Variants in MFSD2B observed in about 807,000 individuals in gnomAD.
MFSD2B encodes MFSD2 lysolipid transporter B, sphingolipid.
In MFSD2B, 56 loss-of-function variants were observed where a neutral mutation model predicts 58.4. The ratio of observed to expected loss-of-function variants is 0.96; its 90% confidence interval spans 0.77 to 1.20. The LOEUF is 1.20. MFSD2B is among the 50% of genes most tolerant of loss of function. The pLI is 0.00. For missense variants in MFSD2B, 645 were observed against 667.6 expected, an observed-to-expected ratio of 0.97 and a Z score of 0.37; for synonymous variants, 287 against 294.4, an observed-to-expected ratio of 0.97 and a Z score of 0.26.
intron 6 of MFSD2B, among the ~76,000 whole-genome samples, chr2:24,019,740 G>A (rs1662689507): frequency 6.6e-6 from 1 of 152,066 alleles, no homozygotes; most frequent in Non-Finnish European, 1.5e-5. Flanking sequence ...TGAAAATGAA[G>A]GGCCTTGGAA....
At position 24,025,881 on chromosome 2, in the gene MFSD2B, G is replaced by A. The variant is rs1016427598; in HGVS notation, c.*425G>A. On this transcript the variant is annotated 3_prime_UTR_variant, in exon 14 of 14. Transcript: ENST00000338315. ...TGGGACTACAGGTGCCCGCCACCAC[G>A]CCCAGCTAATTTTTGTATTTTTAGT... The A allele has an allele frequency of 2.4e-5, 4 of 163,916 alleles. No individual in the cohort carries two copies. Among genetic ancestry groups the A allele is most frequent in the Admixed American group, 1.8e-4 (3 of 16,518 alleles). The allele number at this position is 163,916 out of a possible 1,614,324, so 10.2% of individuals were successfully genotyped here. A position where few individuals can be genotyped will look rare whatever the true frequency, so the allele number is the denominator to read the frequency against.
chr2:24,023,151 T>C lies in MFSD2B; in HGVS notation c.1081T>C (p.Leu361=), dbSNP rs780631782. The change falls in exon 11 of 14, where the codon TTG becomes CTG. Residue 361 remains leucine (L), a synonymous_variant. Transcript: ENST00000338315. This position sits in a 1 kb window ranked among gnomAD's most constrained non-coding sequence, Gnocchi z 5.0. ...CCAGGCGATGGTGCCCTTTGCGATC[T>C]TGCTGGCTGCTGTGCCCACAGCACC... ...GIFAMVPFAI[L]LAAVPTAPVA... The C allele has an allele frequency of 6.2e-7, 1 of 1,613,084 alleles. No homozygotes were observed. The highest frequency in any genetic ancestry group is 1.3e-5 in the African/African-American group (1 of 75,030).
Position 24,017,364 on chromosome 2 carries a change from C to T in MFSD2B, c.550C>T (p.Arg184Trp), listed in dbSNP as rs775176336. ...PRERDSATAYRMTVEMAGTLM... is the reference protein window; with the variant it reads ...PRERDSATAYWMTVEMAGTLM... ...GGAGCGGGACTCGGCCACCGCCTAC[C>T]GTGAGTGCAGCCGTGGGTTTCGGGT... is the stretch of plus-strand genomic sequence containing the variant. Residue 184 changes from arginine (R) to tryptophan (W), a missense_variant and splice_region_variant, in exon 5 of 14, where the codon CGG (arginine) becomes TGG (tryptophan). By Grantham distance (101) the Arg-to-Trp change is moderately radical (BLOSUM62 -3). Transcript: ENST00000338315. The surrounding 1 kb of genome is among the most constrained non-coding windows in gnomAD (Gnocchi z 4.8). 10 of 1,603,908 alleles carry T rather than the reference C, an allele frequency of 6.2e-6. No individual in the cohort carries two copies. The highest frequency in any genetic ancestry group is 1.3e-5 in the African/African-American group (1 of 74,704).
At position 24,024,206 on chromosome 2, in the gene MFSD2B, C is replaced by T; in HGVS notation, c.1425C>T (p.Ile475=). The change falls in exon 13 of 14, where the codon ATC becomes ATT. Residue 475 remains isoleucine (I), a synonymous_variant. Transcript: ENST00000338315. The surrounding 1 kb of genome is among the most constrained non-coding windows in gnomAD (Gnocchi z 4.3). ...GCATGATCCTTGCTGGGCTCTGCAT[C>T]CTCATGGTCGGCTCCACTCCAAAGA... The part of the protein sequence containing the change: ...PTCMILAGLC[I]LMVGSTPKTP... 1.2e-6 allele frequency: 2 copies of T among 1,613,534 alleles called. No homozygotes were observed. Among genetic ancestry groups the T allele is most frequent in the South Asian group, 1.1e-5 (1 of 90,976 alleles).
In MFSD2B at chr2:24,023,447, T is replaced by TC; in HGVS notation, c.1170-135dup. Reference sequence around the variant, plus strand: ...GCGGGGGGTACGAGCACACAGGCCATCTGCTTCTCTGGTGGCCAGTCTGGT... The same window carrying TC: ...GCGGGGGGTACGAGCACACAGGCCATCCTGCTTCTCTGGTGGCCAGTCTGGT... On this transcript the variant is annotated intron_variant, in intron 11 of 13. Coordinates refer to ENST00000338315, the MANE Select transcript of MFSD2B (RefSeq NM_001346880.2). This position sits in a 1 kb window ranked among gnomAD's most constrained non-coding sequence, Gnocchi z 5.0. The TC allele has an allele frequency of 9.1e-7, 1 of 1,101,740 alleles. No individual in the cohort carries two copies. Among genetic ancestry groups the TC allele is most frequent in the Non-Finnish European group, 1.3e-6 (1 of 773,354 alleles). The allele number at this position is 1,101,740 out of a possible 1,614,324, so 68.2% of individuals were successfully genotyped here. A position where few individuals can be genotyped will look rare whatever the true frequency, so the allele number is the denominator to read the frequency against.
chr2:24,022,387 C>G lies in MFSD2B; in HGVS notation c.895-46C>G. On this transcript the variant is annotated intron_variant, in intron 8 of 13. Transcript: ENST00000338315. The surrounding 1 kb of genome is among the most constrained non-coding windows in gnomAD (Gnocchi z 4.5). Reference sequence around the variant, plus strand: ...CCTGTCCTTGCCCTTGACTTCTGAGCTCCTGCCATGCCCTGCACATACCCA... The same window carrying G: ...CCTGTCCTTGCCCTTGACTTCTGAGGTCCTGCCATGCCCTGCACATACCCA... 1 of 1,509,718 alleles carries G rather than the reference C, an allele frequency of 6.6e-7. No homozygotes were observed. Among genetic ancestry groups the G allele is most frequent in the Non-Finnish European group, 9.1e-7 (1 of 1,094,614 alleles). The allele number at this position is 1,509,718 out of a possible 1,614,324, so 93.5% of individuals were successfully genotyped here. A position where few individuals can be genotyped will look rare whatever the true frequency, so the allele number is the denominator to read the frequency against.
chr2:24,023,661 C>T lies in MFSD2B; in HGVS notation c.1248C>T (p.Ser416=), dbSNP rs767800829. 2.5e-6 allele frequency: 4 copies of T among 1,613,996 alleles called. No individual in the cohort carries two copies. The Admixed American group carries it at 5.0e-5, about 20-fold the overall frequency. Residue 416 remains serine (S), a synonymous_variant, in exon 12 of 14, where the codon TCC becomes TCT. Transcript: ENST00000338315. This position sits in a 1 kb window ranked among gnomAD's most constrained non-coding sequence, Gnocchi z 5.0. The part of the protein sequence containing the change: ...HGPGLETIFY[S]SYVFFTKLSG... Reference sequence around the variant, plus strand: ...CAGGCCTGGAGACCATCTTCTACTCCTCCTACGTCTTCTTCACCAAGCTGT... The same window carrying T: ...CAGGCCTGGAGACCATCTTCTACTCTTCCTACGTCTTCTTCACCAAGCTGT...
In MFSD2B at chr2:24,012,179, C is replaced by CAAA. The variant is rs796645399; in HGVS notation, c.97-1103_97-1101dup. ...ACACACACACACACACACACACACA[C>CAAA]AAAAACAGACAAAAAAACCCTGCAA... On this transcript the variant is annotated intron_variant, in intron 1 of 13. Transcript: ENST00000338315. The surrounding 1 kb of genome is among the most constrained non-coding windows in gnomAD (Gnocchi z 4.5). Among the ~76,000 whole-genome samples the CAAA allele has an allele frequency of 1.1e-4, 16 of 148,122 alleles. No homozygotes were observed. Among genetic ancestry groups the CAAA allele is most frequent in the African/African-American group, 3.2e-4 (13 of 40,054 alleles).
At chr2:24,014,743 TAGA>T (rs943704826) in intron 2 of MFSD2B, among the ~76,000 whole-genome samples, 17 of 152,162 alleles carry the variant, frequency 1.1e-4, no homozygotes, top group African/African-American at 3.1e-4. Flanking sequence ...GAGAAAATTC[TAGA>T]AGGATATACA....
In MFSD2B at chr2:24,022,461, G is replaced by T. The variant is rs1573644372; in HGVS notation, c.923G>T (p.Cys308Phe). The T allele has an allele frequency of 6.2e-7, 1 of 1,613,262 alleles. No individual in the cohort carries two copies. ...GAGCAGAGCTACCTGGTCCTGTTCTGTACACATGCCTCCCAGCTACACGAC... is the reference window on the plus strand; with the variant it reads ...GAGCAGAGCTACCTGGTCCTGTTCTTTACACATGCCTCCCAGCTACACGAC... ...QVEQSYLVLF[C>F]THASQLHDHV... Residue 308 changes from cysteine to phenylalanine, a missense_variant, in exon 9 of 14, where the codon TGT becomes TTT. Coordinates refer to ENST00000338315, the MANE Select transcript of MFSD2B (RefSeq NM_001346880.2). This position sits in a 1 kb window ranked among gnomAD's most constrained non-coding sequence, Gnocchi z 4.5.
chr2:24,022,976 C>A lies in MFSD2B; in HGVS notation c.1059+74C>A, dbSNP rs560022614. 6.3e-5 allele frequency: 91 copies of A among 1,437,912 alleles called. No individual in the cohort carries two copies. The South Asian group carries it at 1.0e-3, about 16-fold the overall frequency. The allele number at this position is 1,437,912 out of a possible 1,614,324, so 89.1% of individuals were successfully genotyped here. On this transcript the variant is annotated intron_variant, in intron 10 of 13. Coordinates refer to ENST00000338315, the MANE Select transcript of MFSD2B (RefSeq NM_001346880.2). The surrounding 1 kb of genome is among the most constrained non-coding windows in gnomAD (Gnocchi z 4.5). Reference sequence around the variant, plus strand: ...GAGCGAGGTGACCTTGGTGCCTGAGCCTCCTGGGGCCAGCAGGGGTGGATC... The same window carrying A: ...GAGCGAGGTGACCTTGGTGCCTGAGACTCCTGGGGCCAGCAGGGGTGGATC...
In MFSD2B at chr2:24,020,242, T is replaced by G. The variant is rs751869440; in HGVS notation, c.682-1406T>G. Among the ~76,000 whole-genome samples, 2 of 152,154 alleles carry G rather than the reference T, an allele frequency of 1.3e-5. No individual in the cohort carries two copies. The highest frequency in any genetic ancestry group is 2.9e-5 in the Non-Finnish European group (2 of 68,026). On this transcript the variant is annotated intron_variant, in intron 6 of 13. Transcript: ENST00000338315. The surrounding 1 kb of genome is among the most constrained non-coding windows in gnomAD (Gnocchi z 4.1). The stretch of plus-strand genomic sequence containing the variant: ...CATGCCCAGGGGGCAGAGCCTCATG[T>G]GAGCAGAGACTGGATGCTCTTGGTG...
At chr2:24,025,340 A>G in intron 13 of MFSD2B, 92 bp from the exon 14 acceptor site, 1 of 1,141,130 alleles carries the variant, frequency 8.8e-7, no homozygotes, top group Non-Finnish European at 1.3e-6. Context: ...GAAGACAAGG[A>G]GCAGCCACCA....
At position 24,025,456 on chromosome 2, in the gene MFSD2B, A is replaced by C. The variant is rs1386912237; in HGVS notation, c.1515A>C (p.Ter505TyrextTer7). ...GGAGGACCAGCTACAGCCTGGCCTAAAGCTTAGGAGGGCGACTGTGAATGG... is the reference window on the plus strand; with the variant it reads ...GGAGGACCAGCTACAGCCTGGCCTACAGCTTAGGAGGGCGACTGTGAATGG... ...LRRRTSYSLA* is the reference protein window; with the variant it reads ...LRRRTSYSLAY The change falls in exon 14 of 14, where the codon TAA becomes TAC. Residue 505 changes from the stop codon to tyrosine (Y), a stop_lost. Transcript: ENST00000338315. The C allele has an allele frequency of 1.3e-6, 2 of 1,536,038 alleles. No individual in the cohort carries two copies. The highest frequency in any genetic ancestry group is 1.7e-6 in the Non-Finnish European group (2 of 1,146,862).
rs182764439 is a variant in MFSD2B, at chr2:24,016,291, G to T, written c.347+11G>T. On this transcript the variant is annotated intron_variant, in intron 3 of 13. Coordinates refer to ENST00000338315, the MANE Select transcript of MFSD2B (RefSeq NM_001346880.2). ...ACGGCTCATGCCTTGGTGAGCAACC[G>T]CTCAGTCCTTAGGATCCAGGCACCT... 6.2e-7 allele frequency: 1 copy of T among 1,611,980 alleles called. No individual in the cohort carries two copies. Among genetic ancestry groups the T allele is most frequent in the Non-Finnish European group, 8.5e-7 (1 of 1,178,916 alleles).
rs201244364 is a variant in MFSD2B, at chr2:24,023,697, T to A, written c.1284T>A (p.Cys428Ter). Residue 428 changes from cysteine (C) to a stop codon, truncating the protein, a stop_gained, in exon 12 of 14, where the codon TGT becomes TGA. Transcript: ENST00000338315. LOFTEE classifies it high-confidence loss of function. This position sits in a 1 kb window ranked among gnomAD's most constrained non-coding sequence, Gnocchi z 5.0. ...YVFFTKLSGA[C>*]ALGISTLSLE... Reference sequence around the variant, plus strand: ...TCTTCACCAAGCTGTCTGGCGCATGTGCCCTGGGCATCTCCACCCTCAGTC... The same window carrying A: ...TCTTCACCAAGCTGTCTGGCGCATGAGCCCTGGGCATCTCCACCCTCAGTC... 55 of 1,613,892 alleles carry A rather than the reference T, an allele frequency of 3.4e-5. No individual in the cohort carries two copies. In the East Asian group the frequency reaches 1.2e-3, roughly 35 times the overall value.
chr2:24,022,491 T>C lies in MFSD2B; in HGVS notation c.953T>C (p.Val318Ala). 3.7e-6 allele frequency: 6 copies of C among 1,613,258 alleles called. No individual in the cohort carries two copies. Among genetic ancestry groups the C allele is most frequent in the Non-Finnish European group, 5.1e-6 (6 of 1,179,650 alleles). Residue 318 changes from valine to alanine, a missense_variant, in exon 9 of 14, where the codon GTC becomes GCC. Transcript: ENST00000338315. The surrounding 1 kb of genome is among the most constrained non-coding windows in gnomAD (Gnocchi z 4.5). ...CTHASQLHDH[V>A]QGLVLTVLVS... Reference sequence around the variant, plus strand: ...CATGCCTCCCAGCTACACGACCACGTCCAGGGCCTGGTACTAACTGTCCTG... The same window carrying C: ...CATGCCTCCCAGCTACACGACCACGCCCAGGGCCTGGTACTAACTGTCCTG...
chr2:24,022,591 A>G lies in MFSD2B; in HGVS notation c.978+75A>G, dbSNP rs922452579. On this transcript the variant is annotated intron_variant, in intron 9 of 13. Coordinates refer to ENST00000338315, the MANE Select transcript of MFSD2B (RefSeq NM_001346880.2). This position sits in a 1 kb window ranked among gnomAD's most constrained non-coding sequence, Gnocchi z 4.5. ...GGGGACATGTGTGGTCCTTGATGTG[A>G]CACATATGGCCAGAGTTCTGGTGGT... is the stretch of plus-strand genomic sequence containing the variant. 2.4e-6 allele frequency: 3 copies of G among 1,238,552 alleles called. No homozygotes were observed. The highest frequency in any genetic ancestry group is 3.4e-6 in the Non-Finnish European group (3 of 872,950). The allele number at this position is 1,238,552 out of a possible 1,614,324, so 76.7% of individuals were successfully genotyped here.
intron 1 of MFSD2B, 93 bp downstream of exon 1, chr2:24,010,285 G>A: frequency 1.9e-6 from 2 of 1,043,640 alleles, no homozygotes; most frequent in Non-Finnish European, 2.5e-6. Context: ...GGGGCAGCCC[G>A]GAGGGGCTCG....
Sources: allele counts gnomAD v4.1 joint callset (sites outside exome capture counted in the v4.1 genomes callset), GRCh38; gene constraint gnomAD v4.1.1; non-coding constraint Gnocchi (gnomAD v3.1); transcripts MANE v1.5; gene names NCBI Gene and HGNC (gene_info 2026-07-23, HGNC 2026-07-21).